TBC1D8: variants seen among roughly 807,000 people sequenced by gnomAD.
TBC1D8 encodes the protein BUB2-like protein 1.
TBC1D8 carries 65 observed loss-of-function variants against 118.8 expected under a neutral mutation model. The observed-to-expected ratio is 0.55, with a 90% CI of 0.45 to 0.67. The LOEUF (loss-of-function observed/expected upper bound fraction) is 0.67. TBC1D8 is among the 30% of genes least tolerant of loss of function. The pLI is 0.00. For missense variants in TBC1D8, 1,376 were observed against 1,471.2 expected (o/e 0.94, Z 1.06); for synonymous variants, 566 against 595.8 (o/e 0.95, Z 0.73).
At position 101,037,645 on chromosome 2, in the gene TBC1D8, T is replaced by A. The variant is rs1300840612; in HGVS notation, c.1339A>T (p.Met447Leu). The change falls in exon 8 of 20, where the codon ATG becomes TTG. Residue 447 changes from methionine to leucine, a missense_variant. Coordinates refer to ENST00000409318, the MANE Select transcript of TBC1D8 (RefSeq NM_001330348.2). ...SDHRFGDLEM[M>L]SSQNSEESEK... The stretch of plus-strand genomic sequence containing the variant: ...CTCTCCTCGCTATTTTGAGAAGACA[T>A]CATTTCAAGATCCCCAAATCTGTGG... The A allele has an allele frequency of 1.9e-6, 3 of 1,613,904 alleles. No individual in the cohort carries two copies. Among genetic ancestry groups the A allele is most frequent in the Non-Finnish European group, 2.5e-6 (3 of 1,179,882 alleles).
chr2:101,077,514 T>G (rs1006368016), intron 2 of TBC1D8, among the ~76,000 whole-genome samples: 7 of 152,176 alleles, frequency 4.6e-5, no homozygotes, highest in Non-Finnish European at 1.0e-4. Context: ...CCCAAAGTGC[T>G]GGGATTACAG....
chr2:101,135,104 A>G lies in TBC1D8; in HGVS notation c.127+16023T>C, dbSNP rs188311457. On this transcript the variant is annotated intron_variant, in intron 1 of 19. Transcript: ENST00000409318. Reference sequence around the variant, plus strand: ...GGAGAATGGCATGAACCCGGGAGGCAGAGCTTGCAGTGAGCCGAGATCGCG... The same window carrying G: ...GGAGAATGGCATGAACCCGGGAGGCGGAGCTTGCAGTGAGCCGAGATCGCG... 2.4e-3 allele frequency among the ~76,000 whole-genome samples: 359 copies of G among 152,298 alleles called. 1 individual carries two copies. The highest frequency in any genetic ancestry group is 8.1e-3 in the African/African-American group (335 of 41,568).
chr2:101,012,134 C>T (rs1679262008), intron 17 of TBC1D8, among the ~76,000 whole-genome samples: 1 of 152,142 alleles, frequency 6.6e-6, no homozygotes, highest in Non-Finnish European at 1.5e-5. Context: ...ACTGGCTCAG[C>T]CACTTTAGTA....
intron 1 of TBC1D8, among the ~76,000 whole-genome samples, chr2:101,137,891 GA>G (rs1678925375): frequency 6.6e-6 from 1 of 152,186 alleles, no homozygotes; most frequent in Non-Finnish European, 1.5e-5. Flanking sequence ...GGTTCTGTAT[GA>G]GTTCATTCTC....
chr2:101,023,342 C>T (rs1376586778), intron 15 of TBC1D8, among the ~76,000 whole-genome samples: 1 of 151,894 alleles, frequency 6.6e-6, no homozygotes, highest in Non-Finnish European at 1.5e-5. Context: ...GATGGGGTTT[C>T]ACCGTGTCAG....
At chr2:101,128,776 T>C (rs1678460802) in intron 1 of TBC1D8, among the ~76,000 whole-genome samples, 1 of 152,224 alleles carries the variant, frequency 6.6e-6, no homozygotes, top group Admixed American at 6.5e-5. Flanking sequence ...TAATATTCCC[T>C]GAGAATCTTG....
At chr2:101,026,546 C>CT (rs1356664606) in intron 15 of TBC1D8, among the ~76,000 whole-genome samples, 1 of 152,200 alleles carries the variant, frequency 6.6e-6, no homozygotes, top group Non-Finnish European at 1.5e-5. Flanking sequence ...ACTCTGCTGA[C>CT]TATCACTTCA....
intron 2 of TBC1D8, among the ~76,000 whole-genome samples, chr2:101,085,372 C>A (rs557266922): frequency 6.6e-6 from 1 of 151,992 alleles, no homozygotes; most frequent in South Asian, 2.1e-4. Context: ...GACAACTCCC[C>A]AGAAGCCAAC....
At position 101,151,257 on chromosome 2, in the gene TBC1D8, G is replaced by T. The variant is rs373215918; in HGVS notation, c.-4C>A. The T allele has an allele frequency of 3.0e-4, 343 of 1,153,230 alleles. No individual in the cohort carries two copies. In the African/African-American group the frequency reaches 5.2e-3, roughly 17 times the overall value. The allele number at this position is 1,153,230 out of a possible 1,614,324, so 71.4% of individuals were successfully genotyped here. A position where few individuals can be genotyped will look rare whatever the true frequency, so the allele number is the denominator to read the frequency against. ...CCTCCTCGGGCTTGAGCCACATCGC[G>T]GCGGTCCGGCCGCGCCCGCCGGCCC... On this transcript the variant is annotated 5_prime_UTR_variant, in exon 1 of 20. Transcript: ENST00000409318.
chr2:101,135,178 A>T (rs1678796313), intron 1 of TBC1D8, among the ~76,000 whole-genome samples: 1 of 152,202 alleles, frequency 6.6e-6, no homozygotes, highest in Non-Finnish European at 1.5e-5. Context: ...TCTCAAAAAA[A>T]GAAAAAAGAA....
chr2:101,059,392 G>A (rs748073751), intron 3 of TBC1D8, 29 bp downstream of exon 3: 3 of 1,515,936 alleles, frequency 2.0e-6, no homozygotes, highest in Admixed American at 1.7e-5. Context: ...TGGAAAGATG[G>A]GGAGAAACAT....
chr2:101,009,821 C>CATTTTTTT (rs144990163), intron 19 of TBC1D8, among the ~76,000 whole-genome samples: 1 of 134,192 alleles, frequency 7.5e-6, no homozygotes, highest in Non-Finnish European at 1.6e-5. Context: ...AAAAAAGGAG[C>CATTTTTTT]TTTTTCTTTT....
At chr2:101,109,792 C>G (rs1026777136) in intron 1 of TBC1D8, 4 of 985,318 alleles carry the variant, frequency 4.1e-6, no homozygotes, top group African/African-American at 1.7e-5. Flanking sequence ...TGGTTAGAGA[C>G]AGGCAAACAC....
In TBC1D8 at chr2:101,123,720, T is replaced by A. The variant is rs946928457; in HGVS notation, c.127+27407A>T. Reference sequence around the variant, plus strand: ...TACCTTACAAAAAGAGAGGAGTCAGTTGTTCGCTTTGTTTTGTTGGGGCTA... The same window carrying A: ...TACCTTACAAAAAGAGAGGAGTCAGATGTTCGCTTTGTTTTGTTGGGGCTA... On this transcript the variant is annotated intron_variant, in intron 1 of 19. Transcript: ENST00000409318. 2.1e-4 allele frequency among the ~76,000 whole-genome samples: 32 copies of A among 152,160 alleles called. 1 individual carries two copies. The highest frequency in any genetic ancestry group is 1.5e-3 in the Admixed American group (23 of 15,274).
At chr2:101,022,017 A>T (rs550460024) in intron 16 of TBC1D8, among the ~76,000 whole-genome samples, 2 of 152,328 alleles carry the variant, frequency 1.3e-5, no homozygotes, top group East Asian at 3.9e-4. Context: ...GGCTCCCAAC[A>T]AGCCACCACC....
intron 7 of TBC1D8, 129 bp from the exon 8 acceptor site, chr2:101,037,837 G>A: frequency 8.8e-7 from 1 of 1,133,836 alleles, no homozygotes; most frequent in Non-Finnish European, 1.3e-6. Context: ...TCAGGGGGAA[G>A]ACAGACTGAC....
At chr2:101,132,749 CG>C (rs1403468023) in intron 1 of TBC1D8, among the ~76,000 whole-genome samples, 1 of 151,858 alleles carries the variant, frequency 6.6e-6, no homozygotes. Flanking sequence ...CCACCATGCC[CG>C]GCTAACTTAT....
intron 17 of TBC1D8, chr2:101,019,136 G>A (rs1478880431): frequency 5.3e-6 from 8 of 1,506,324 alleles, no homozygotes; most frequent in Non-Finnish European, 5.4e-6. Context: ...CACCGAGGAC[G>A]TCTGTCTCCC....
At chr2:101,103,608 G>A (rs937816237) in intron 1 of TBC1D8, among the ~76,000 whole-genome samples, 23 of 152,026 alleles carry the variant, frequency 1.5e-4, no homozygotes, top group Non-Finnish European at 2.6e-4. Context: ...TAGCCAGGAT[G>A]GTCTCGATCT....
Sources: allele counts gnomAD v4.1 joint callset (sites outside exome capture counted in the v4.1 genomes callset), GRCh38; gene constraint gnomAD v4.1.1; transcripts MANE v1.5; gene names NCBI Gene and HGNC (gene_info 2026-07-23, HGNC 2026-07-21).